Variants in FERRY3 observed in about 807,000 individuals in gnomAD.
FERRY3 encodes the protein protein C12orf4.
At chr12:4,490,705 T>C in the FERRY3 span, 5 of 756,708 alleles carry the variant, frequency 6.6e-6, no homozygotes, top group East Asian at 1.4e-4. Context: ...ACTTTTTAGG[T>C]AGCCATTTGC....
the FERRY3 span, among the ~76,000 whole-genome samples, chr12:4,492,556 C>T: frequency 1.3e-5 from 2 of 152,172 alleles, no homozygotes; most frequent in Non-Finnish European, 2.9e-5. Flanking sequence ...TTGCCGTTTA[C>T]CTATTGTTGT....
chr12:4,493,890 C>T, the FERRY3 span, among the ~76,000 whole-genome samples: 2,311 of 152,142 alleles, frequency 0.015, 31 homozygotes, highest in Admixed American at 0.041. Flanking sequence ...GTCAGAAGTT[C>T]GAGACCAGCC....
At chr12:4,508,820 T>G in the FERRY3 span, 1 of 152,276 alleles carries the variant, frequency 6.6e-6, no homozygotes, top group Admixed American at 6.5e-5. Context: ...ATTTTACATC[T>G]ATGATACATG....
the FERRY3 span, chr12:4,525,125 CA>C: frequency 8.7e-7 from 1 of 1,153,302 alleles, no homozygotes; most frequent in Non-Finnish European, 1.2e-6. Flanking sequence ...AAAAGCACAG[CA>C]TAAAATTGTC....
the FERRY3 span, chr12:4,525,245 A>G: frequency 6.2e-7 from 1 of 1,612,358 alleles, no homozygotes; most frequent in Non-Finnish European, 8.5e-7. Flanking sequence ...AACAATACAT[A>G]GTTAATACCT....
the FERRY3 span, among the ~76,000 whole-genome samples, chr12:4,523,031 T>A: frequency 6.6e-6 from 1 of 152,258 alleles, no homozygotes; most frequent in Non-Finnish European, 1.5e-5. Context: ...TATGACTAAG[T>A]TTGTCAAAAT....
the FERRY3 span, among the ~76,000 whole-genome samples, chr12:4,510,842 G>T: frequency 8.0e-5 from 12 of 149,318 alleles, no homozygotes; most frequent in South Asian, 4.3e-4. Flanking sequence ...ATCAACTAAC[G>T]AGCAAAATCA....
chr12:4,493,402 T>C, the FERRY3 span, among the ~76,000 whole-genome samples: 1 of 152,258 alleles, frequency 6.6e-6, no homozygotes, highest in African/African-American at 2.4e-5. Flanking sequence ...CTTTTATCCA[T>C]GGACATTTAA....
chr12:4,504,221 C>T, the FERRY3 span, among the ~76,000 whole-genome samples: 1 of 152,052 alleles, frequency 6.6e-6, no homozygotes, highest in Non-Finnish European at 1.5e-5. Context: ...ACGGCGGTTT[C>T]GTGTGTAGGT....
chr12:4,497,315 A>T, the FERRY3 span, among the ~76,000 whole-genome samples: 1 of 152,154 alleles, frequency 6.6e-6, no homozygotes, highest in Non-Finnish European at 1.5e-5. Flanking sequence ...ACTAATCCAT[A>T]ATTTTTGAGA....
the FERRY3 span, among the ~76,000 whole-genome samples, chr12:4,523,245 AAC>A: frequency 1.3e-5 from 2 of 152,236 alleles, no homozygotes; most frequent in African/African-American, 4.8e-5. Context: ...AAAGCAAAGT[AAC>A]AAAGTCACAA....
At chr12:4,504,505 A>T in the FERRY3 span, among the ~76,000 whole-genome samples, 1 of 152,182 alleles carries the variant, frequency 6.6e-6, no homozygotes, top group African/African-American at 2.4e-5. Flanking sequence ...AAAAATGGAA[A>T]GCAGAAAAAC....
the FERRY3 span, among the ~76,000 whole-genome samples, chr12:4,537,840 T>C: frequency 6.6e-6 from 1 of 152,176 alleles, no homozygotes; most frequent in African/African-American, 2.4e-5. Context: ...TAAGTATATA[T>C]CCAAATACAC....
At chr12:4,515,489 G>C in the FERRY3 span, among the ~76,000 whole-genome samples, 2 of 152,188 alleles carry the variant, frequency 1.3e-5, no homozygotes, top group Admixed American at 1.3e-4. Flanking sequence ...CCTGCCATTT[G>C]TAACAACATG....
At chr12:4,530,169 TATATATGTGTGTGTAA>T in the FERRY3 span, 208 of 823,662 alleles carry the variant, frequency 2.5e-4, no homozygotes, top group Non-Finnish European at 3.5e-4. Flanking sequence ...CCCTCTTATA[TATATATGTGTGTGTAA>T]ATATATGTGT....
chr12:4,536,059 G>A, the FERRY3 span: 15 of 1,606,200 alleles, frequency 9.3e-6, no homozygotes, highest in Admixed American at 3.4e-5. Context: ...AGCATCAGAC[G>A]TCCATGCAAA....
At chr12:4,530,164 TTATATA>T in the FERRY3 span, 6 of 867,884 alleles carry the variant, frequency 6.9e-6, no homozygotes, top group Non-Finnish European at 1.1e-5. Flanking sequence ...AAAGACCCTC[TTATATA>T]TATATGTGTG....
chr12:4,529,946 A>G, the FERRY3 span: 3 of 1,613,482 alleles, frequency 1.9e-6, no homozygotes, highest in Non-Finnish European at 2.5e-6. Context: ...TATGTTCCAA[A>G]TTTAAGAGAG....
the FERRY3 span, among the ~76,000 whole-genome samples, chr12:4,503,868 A>T: frequency 4.3e-4 from 60 of 140,004 alleles, 2 homozygotes; most frequent in South Asian, 3.5e-3. Flanking sequence ...AGTTATGTTT[A>T]AAAAAAAACA....
Sources: allele counts gnomAD v4.1 joint callset (sites outside exome capture counted in the v4.1 genomes callset), GRCh38; gene constraint gnomAD v4.1.1; transcripts MANE v1.5; gene names NCBI Gene and HGNC (gene_info 2026-07-23, HGNC 2026-07-21).